EPB41L2: variants seen among roughly 807,000 people sequenced by gnomAD.
EPB41L2 encodes band 4.1-like protein 2.
A neutral mutation model predicts 113.0 loss-of-function variants in EPB41L2; 43 were observed. The observed-to-expected ratio is 0.38, with a 90% CI of 0.30 to 0.49. The LOEUF is 0.49. Among genes scored for constraint, EPB41L2 ranks in the 20% least tolerant of loss-of-function variants. The pLI is 0.95. For synonymous variants in EPB41L2, 442 were observed against 436.7 expected (o/e 1.01, Z -0.15); for missense variants, 1,147 against 1,223.4 (o/e 0.94, Z 0.93).
chr6:130,983,203 G>C (rs559262000), intron 1 of EPB41L2, among the ~76,000 whole-genome samples: 1 of 152,206 alleles, frequency 6.6e-6, no homozygotes, highest in Non-Finnish European at 1.5e-5. Context: ...GAAAGTTGCA[G>C]ATGTTTCTAT....
intron 3 of EPB41L2, among the ~76,000 whole-genome samples, chr6:130,950,725 C>G (rs564350629): frequency 2.6e-5 from 4 of 151,658 alleles, no homozygotes; most frequent in African/African-American, 9.7e-5. Flanking sequence ...GAAGACAATT[C>G]GATAAAAGAA....
chr6:131,060,135 A>G (rs1191351513), intron 1 of EPB41L2, among the ~76,000 whole-genome samples: 2 of 152,270 alleles, frequency 1.3e-5, no homozygotes, highest in Non-Finnish European at 2.9e-5. Flanking sequence ...AGCTGGGATT[A>G]CAGGCGTGCG....
intron 8 of EPB41L2, among the ~76,000 whole-genome samples, chr6:130,898,249 G>A (rs755285914): frequency 1.3e-5 from 2 of 152,020 alleles, no homozygotes; most frequent in Non-Finnish European, 2.9e-5. Context: ...TTTAAATAAA[G>A]GAAGCCACTG....
chr6:131,059,730 GAGATTCCA>G (rs1261704033), intron 1 of EPB41L2, among the ~76,000 whole-genome samples: 1 of 152,184 alleles, frequency 6.6e-6, no homozygotes, highest in Non-Finnish European at 1.5e-5. Context: ...GTTCAGCCCT[GAGATTCCA>G]AGATTCTATA....
At chr6:130,865,743 C>A (rs1003778464) in intron 16 of EPB41L2, 109 bp from the exon 17 acceptor site, 3 of 1,157,762 alleles carry the variant, frequency 2.6e-6, no homozygotes, top group South Asian at 1.5e-5. Flanking sequence ...ATGTGGTTTG[C>A]GTGTTTGCAG....
At chr6:131,052,904 AT>A (rs905783311) in intron 1 of EPB41L2, among the ~76,000 whole-genome samples, 30 of 149,458 alleles carry the variant, frequency 2.0e-4, no homozygotes, top group Admixed American at 2.7e-4. Context: ...AAAAATATAA[AT>A]TTTTTTTTTT....
chr6:130,899,694 T>G, intron 7 of EPB41L2, 116 bp from the exon 8 acceptor site: 1 of 902,932 alleles, frequency 1.1e-6, no homozygotes, highest in Non-Finnish European at 1.7e-6. Flanking sequence ...CCCAGCCAAG[T>G]TTGCAGAAAA....
At chr6:130,940,932 A>AGT (rs899957946) in intron 3 of EPB41L2, among the ~76,000 whole-genome samples, 4 of 152,112 alleles carry the variant, frequency 2.6e-5, no homozygotes, top group South Asian at 2.1e-4. Context: ...TGTGGATATA[A>AGT]GTGTGTGTGT....
At chr6:130,971,356 A>C (rs1194899528) in intron 1 of EPB41L2, among the ~76,000 whole-genome samples, 1 of 152,066 alleles carries the variant, frequency 6.6e-6, no homozygotes, top group Non-Finnish European at 1.5e-5. Context: ...TCAGCATGCG[A>C]TTTTTTTCCT....
At chr6:130,929,477 T>C (rs1805952937) in intron 3 of EPB41L2, among the ~76,000 whole-genome samples, 2 of 152,150 alleles carry the variant, frequency 1.3e-5, no homozygotes, top group Admixed American at 1.3e-4. Context: ...GCGATATGAC[T>C]GCTGGTTACC....
chr6:130,869,731 C>A lies in EPB41L2; in HGVS notation c.2439G>T (p.Val813=). Residue 813 remains valine, a synonymous_variant, in exon 15 of 20, where the codon GTG becomes GTT. Coordinates refer to ENST00000337057, the MANE Select transcript of EPB41L2 (RefSeq NM_001431.4). ...AGASVITVET[V]IQENVGAQKI... is the part of the protein sequence containing the mutation. The stretch of plus-strand genomic sequence containing the variant: ...TTTGGGCACCTACATTTTCCTGGAT[C>A]ACTGTTTCTACTGTGATTACACTGG... The A allele has an allele frequency of 6.2e-7, 1 of 1,614,144 alleles. No homozygotes were observed. Among genetic ancestry groups the A allele is most frequent in the Non-Finnish European group, 8.5e-7 (1 of 1,180,030 alleles).
chr6:130,934,557 C>T lies in EPB41L2; in HGVS notation c.706-7848G>A, dbSNP rs115761409. The stretch of plus-strand genomic sequence containing the variant: ...GCACAATCCTGGCTCACTGCAGCCT[C>T]AAACTTCTAGGCTCAAACGATCTTC... On this transcript the variant is annotated intron_variant, in intron 3 of 19. Transcript: ENST00000337057. Among the ~76,000 whole-genome samples the T allele has an allele frequency of 8.1e-3, 1,232 of 152,242 alleles. 13 individuals carry two copies. Among genetic ancestry groups the T allele is most frequent in the African/African-American group, 0.028 (1,161 of 41,554 alleles).
At chr6:131,050,741 A>T (rs971873703) in intron 1 of EPB41L2, among the ~76,000 whole-genome samples, 1 of 152,202 alleles carries the variant, frequency 6.6e-6, no homozygotes, top group African/African-American at 2.4e-5. Context: ...CTAATCCCCA[A>T]ATCATATTCA....
intron 1 of EPB41L2, among the ~76,000 whole-genome samples, chr6:131,002,414 C>G (rs538650937): frequency 7.2e-5 from 11 of 152,288 alleles, no homozygotes; most frequent in East Asian, 1.9e-4. Flanking sequence ...ATAACCTAGA[C>G]CGCTAACACA....
intron 1 of EPB41L2, among the ~76,000 whole-genome samples, chr6:131,028,931 T>C (rs1791460229): frequency 6.6e-6 from 1 of 152,200 alleles, no homozygotes; most frequent in Admixed American, 6.5e-5. Context: ...TATAAAACCC[T>C]TGTTGCATTT....
Position 130,956,407 on chromosome 6 carries a change from G to T in EPB41L2, c.79C>A (p.Pro27Thr). 1.6e-5 allele frequency: 26 copies of T among 1,613,854 alleles called. No individual in the cohort carries two copies. The highest frequency in any genetic ancestry group is 2.1e-5 in the Non-Finnish European group (25 of 1,179,980). The change falls in exon 2 of 20, where the codon CCT (proline) becomes ACT (threonine). Residue 27 changes from proline (P) to threonine (T), a missense_variant. Pro to Thr is a conservative substitution (Grantham distance 38, BLOSUM62 -1). Transcript: ENST00000337057. ...QLGTDATKEK[P>T]KEVAENQQNQ... Reference sequence around the variant, plus strand: ...TGCTGATTTTCTGCTACTTCTTTAGGTTTTTCCTTGGTTGCATCTGTTCCT... The same window carrying T: ...TGCTGATTTTCTGCTACTTCTTTAGTTTTTTCCTTGGTTGCATCTGTTCCT...
intron 3 of EPB41L2, among the ~76,000 whole-genome samples, chr6:130,951,203 G>A (rs1293614006): frequency 8.7e-6 from 1 of 114,364 alleles, no homozygotes; most frequent in Non-Finnish European, 1.6e-5. Context: ...GTTTCAGTGA[G>A]CCAAGATCAT....
chr6:130,879,269 C>T (rs1452404017), intron 13 of EPB41L2, among the ~76,000 whole-genome samples: 1 of 152,100 alleles, frequency 6.6e-6, no homozygotes, highest in Non-Finnish European at 1.5e-5. Flanking sequence ...TCATGAAAAT[C>T]TAAAAATCTT....
chr6:130,958,701 T>C (rs1434275576), intron 1 of EPB41L2, among the ~76,000 whole-genome samples: 2 of 152,126 alleles, frequency 1.3e-5, no homozygotes, highest in East Asian at 3.8e-4. Context: ...AATAATCCAC[T>C]GTACAAGTGA....
Sources: gnomAD v4.1 joint callset for allele counts (sites outside exome capture counted in the v4.1 genomes callset) on GRCh38, gnomAD v4.1.1 for gene constraint, MANE v1.5 for transcripts, NCBI Gene and HGNC (gene_info 2026-07-23, HGNC 2026-07-21) for gene names.